Variants in TUBGCP5 observed in about 807,000 individuals in gnomAD.
TUBGCP5 encodes the protein tubulin gamma complex component 5.
In TUBGCP5, 98 loss-of-function variants were observed where a neutral mutation model predicts 134.7. That is an observed-to-expected ratio of 0.73 (90% CI 0.62 to 0.86). TUBGCP5 has a LOEUF of 0.86. TUBGCP5 is among the 40% of genes least tolerant of loss of function. TUBGCP5 has a pLI of 0.00. For missense variants in TUBGCP5, 1,150 were observed against 1,244.8 expected, an observed-to-expected ratio of 0.92 and a Z score of 1.15; for synonymous variants, 456 against 431.4, an observed-to-expected ratio of 1.06 and a Z score of -0.71.
chr15:23,019,627 T>A (rs2065549157), intron 11 of TUBGCP5, among the ~76,000 whole-genome samples: 3 of 151,380 alleles, frequency 2.0e-5, no homozygotes, highest in South Asian at 4.2e-4. Context: ...TGAAACCCCC[T>A]CTCTACTAAA....
chr15:23,008,468 A>C, intron 16 of TUBGCP5: 1 of 530,562 alleles, frequency 1.9e-6, no homozygotes, highest in East Asian at 3.9e-5. Context: ...CATGTTGGCC[A>C]GGCTGGTCTC....
In TUBGCP5 at chr15:23,031,117, C is replaced by T. The variant is rs1229118826; in HGVS notation, c.487-97G>A. On this transcript the variant is annotated intron_variant, in intron 5 of 22. Coordinates refer to ENST00000615383, the MANE Select transcript of TUBGCP5 (RefSeq NM_052903.6). ...AGAAAACTTTGAAGAAAAGCAAAAA[C>T]TTTGAAGCAACATGGAACAGAAAAA... 3 of 1,292,518 alleles carry T rather than the reference C, an allele frequency of 2.3e-6. No homozygotes were observed. In the Admixed American group the frequency reaches 8.3e-5, roughly 36 times the overall value. The allele number at this position is 1,292,518 out of a possible 1,614,324, so 80.1% of individuals were successfully genotyped here. A position where few individuals can be genotyped will look rare whatever the true frequency, so the allele number is the denominator to read the frequency against.
At chr15:22,984,766 A>G (rs941965060) in intron 23 of TUBGCP5, among the ~76,000 whole-genome samples, 2 of 152,216 alleles carry the variant, frequency 1.3e-5, no homozygotes, top group South Asian at 2.1e-4. Flanking sequence ...TTTGAAAGCT[A>G]AAGATACAAA....
Position 23,005,571 on chromosome 15 carries a change from C to G in TUBGCP5, c.2573G>C (p.Gly858Ala), listed in dbSNP as rs1433682401. Residue 858 changes from glycine (G) to alanine (A), a missense_variant, in exon 19 of 23, where the codon GGC becomes GCC. Transcript: ENST00000615383. ...AACTGTGTCTTGTTCATGTATAAGG[C>G]CTTCTTTAAGTCGTGGTTTTTCTGC... ...STAEKPRLKEGLIHEQDTVAQ... is the reference protein window; with the variant it reads ...STAEKPRLKEALIHEQDTVAQ... 2 of 1,613,982 alleles carry G rather than the reference C, an allele frequency of 1.2e-6. No homozygotes were observed. Among genetic ancestry groups the G allele is most frequent in the Non-Finnish European group, 1.7e-6 (2 of 1,180,018 alleles).
chr15:23,033,677 CA>C (rs2066433897), intron 3 of TUBGCP5, among the ~76,000 whole-genome samples: 1 of 152,120 alleles, frequency 6.6e-6, no homozygotes, highest in African/African-American at 2.4e-5. Flanking sequence ...GAAATAATGC[CA>C]AAATATATTC....
At chr15:23,010,657 G>A (rs888643584) in intron 14 of TUBGCP5, among the ~76,000 whole-genome samples, 3 of 152,106 alleles carry the variant, frequency 2.0e-5, no homozygotes, top group Non-Finnish European at 2.9e-5. Flanking sequence ...CCTGAAGTAG[G>A]TGAGCACAAC....
chr15:23,000,004 G>A (rs975584369), intron 22 of TUBGCP5, 138 bp from the exon 23 acceptor site: 27 of 768,388 alleles, frequency 3.5e-5, no homozygotes, highest in African/African-American at 3.1e-4. Context: ...TCTGCCTCCC[G>A]GGTTCAAGCA....
chr15:23,039,424 G>T lies in TUBGCP5; in HGVS notation c.120C>A (p.Ala40=). 3 of 1,527,538 alleles carry T rather than the reference G, an allele frequency of 2.0e-6. No individual in the cohort carries two copies. The highest frequency in any genetic ancestry group is 2.7e-6 in the Non-Finnish European group (3 of 1,131,710). 94.6% of individuals were successfully genotyped at this position (1,527,538 alleles called of 1,614,324 possible). A position where few individuals can be genotyped will look rare whatever the true frequency, so the allele number is the denominator to read the frequency against. The change falls in exon 1 of 23, where the codon GCC becomes GCA. Residue 40 remains alanine (A), a synonymous_variant. Transcript: ENST00000615383. ...TGAAGTTGGACCAGGCGAAGTTTAG[G>T]GCGAGCTGGAAGTTGGGGTCTGCCT... ...QDEADPNFQL[A]LNFAWSNFRF...
intron 19 of TUBGCP5, chr15:23,004,707 A>T (rs1272384418): frequency 6.5e-6 from 1 of 153,484 alleles, no homozygotes; most frequent in Non-Finnish European, 1.5e-5. Flanking sequence ...ATTTACTCTT[A>T]ACAATTAGGG....
At chr15:23,019,913 T>A (rs1408748778) in intron 11 of TUBGCP5, among the ~76,000 whole-genome samples, 2 of 152,150 alleles carry the variant, frequency 1.3e-5, no homozygotes, top group South Asian at 2.1e-4. Context: ...AGCAGGTGTA[T>A]CCTGAGATAG....
downstream of TUBGCP5, among the ~76,000 whole-genome samples, chr15:22,998,782 T>C (rs895873408): frequency 6.6e-6 from 1 of 152,054 alleles, no homozygotes; most frequent in Non-Finnish European, 1.5e-5. Flanking sequence ...ACCTGGCTAA[T>C]TTTTTTGTAT....
At chr15:23,011,380 A>G in intron 13 of TUBGCP5, 49 bp from the exon 14 acceptor site, 4 of 1,317,820 alleles carry the variant, frequency 3.0e-6, no homozygotes, top group East Asian at 2.4e-5. Flanking sequence ...GTTTAATCAT[A>G]TTAAGTAACA....
chr15:22,986,162 T>TAAA (rs1282519263), intron 23 of TUBGCP5, among the ~76,000 whole-genome samples: 3 of 145,804 alleles, frequency 2.1e-5, no homozygotes, highest in African/African-American at 7.6e-5. Flanking sequence ...ATAATAATAA[T>TAAA]AAAATAAAAA....
chr15:23,010,649 T>A (rs1249085259), intron 14 of TUBGCP5, among the ~76,000 whole-genome samples: 1 of 152,036 alleles, frequency 6.6e-6, no homozygotes, highest in Non-Finnish European at 1.5e-5. Context: ...ACTATACACC[T>A]GAAGTAGGTG....
chr15:23,004,494 T>G (rs143778116), intron 19 of TUBGCP5: 10 of 406,356 alleles, frequency 2.5e-5, no homozygotes, highest in Non-Finnish European at 3.5e-5. Flanking sequence ...ACAGACTTCC[T>G]GGCAGGAAGG....
At chr15:22,993,548 T>G (rs1213057939) in intron 23 of TUBGCP5, among the ~76,000 whole-genome samples, 6 of 114,986 alleles carry the variant, frequency 5.2e-5, no homozygotes, top group African/African-American at 1.3e-4. Flanking sequence ...TTTTTTTTTT[T>G]TTTTTTTTTA....
At chr15:23,028,582 A>G (rs773158498) in intron 6 of TUBGCP5, among the ~76,000 whole-genome samples, 8 of 152,096 alleles carry the variant, frequency 5.3e-5, no homozygotes, top group Non-Finnish European at 7.4e-5. Flanking sequence ...AAAATTCAAC[A>G]TTTATTCATA....
In TUBGCP5 at chr15:23,037,108, G is replaced by T. The variant is rs1247653908; in HGVS notation, c.191C>A (p.Thr64Lys). The change falls in exon 2 of 23, where the codon ACA becomes AAA. Residue 64 changes from threonine (T) to lysine (K), a missense_variant. Coordinates refer to ENST00000615383, the MANE Select transcript of TUBGCP5 (RefSeq NM_052903.6). ...LDVNSHKIEK[T>K]IEGIYEKFVI... Reference sequence around the variant, plus strand: ...ATACACACTGACTTACCCTTCGATTGTTTTTTCTATTTTGTGGCTGTTGAC... The same window carrying T: ...ATACACACTGACTTACCCTTCGATTTTTTTTTCTATTTTGTGGCTGTTGAC... 4.3e-6 allele frequency: 7 copies of T among 1,613,688 alleles called. No individual in the cohort carries two copies. Among genetic ancestry groups the T allele is most frequent in the Non-Finnish European group, 5.9e-6 (7 of 1,179,916 alleles).
At chr15:23,027,445 A>G (rs1326340987) in intron 6 of TUBGCP5, 139 bp from the exon 7 acceptor site, 3 of 654,280 alleles carry the variant, frequency 4.6e-6, no homozygotes, top group Non-Finnish European at 5.3e-6. Context: ...TTATGTATAT[A>G]TGATTATTTT....
Sources: gnomAD v4.1 joint callset for allele counts (sites outside exome capture counted in the v4.1 genomes callset) on GRCh38, gnomAD v4.1.1 for gene constraint, MANE v1.5 for transcripts, NCBI Gene and HGNC (gene_info 2026-07-23, HGNC 2026-07-21) for gene names.